ERCC6: variants seen among roughly 807,000 people sequenced by gnomAD.
The protein encoded by ERCC6 is ERCC excision repair 6, chromatin remodeling factor.
In ERCC6, 116 loss-of-function variants were observed where a neutral mutation model predicts 158.7. That is an observed-to-expected ratio of 0.73 (90% CI 0.63 to 0.85). ERCC6 has a LOEUF of 0.85. Among genes scored for constraint, ERCC6 ranks in the 40% least tolerant of loss-of-function variants. The pLI is 0.00. For missense variants in ERCC6, 1,698 were observed against 1,799.4 expected (o/e 0.94, Z 1.02); for synonymous variants, 678 against 659.3 (o/e 1.03, Z -0.43).
intron 6 of ERCC6, 84 bp downstream of exon 6, chr10:49,505,800 G>A (rs969293866): frequency 6.5e-7 from 1 of 1,549,508 alleles, no homozygotes; most frequent in Non-Finnish European, 8.9e-7. Context: ...GGGCCCACAG[G>A]TAACTACTAT....
intron 18 of ERCC6, among the ~76,000 whole-genome samples, chr10:49,465,729 G>T (rs1171586315): frequency 6.6e-6 from 1 of 152,174 alleles, no homozygotes; most frequent in African/African-American, 2.4e-5. Flanking sequence ...CTCTGCACAA[G>T]CTCTTTGCCT....
At chr10:49,462,925 T>C (rs142240023) in intron 18 of ERCC6, among the ~76,000 whole-genome samples, 84 of 152,330 alleles carry the variant, frequency 5.5e-4, no homozygotes, top group African/African-American at 1.9e-3. Context: ...CAAAACAAAC[T>C]TACATATGTG....
chr10:49,486,874 C>A lies in ERCC6; in HGVS notation c.1822-3358G>T, dbSNP rs4253157. 7.2e-5 allele frequency among the ~76,000 whole-genome samples: 11 copies of A among 152,224 alleles called. No homozygotes were observed. In the East Asian group the frequency reaches 1.7e-3, roughly 24 times the overall value. On this transcript the variant is annotated intron_variant, in intron 8 of 20. Transcript: ENST00000355832. ...CAATCATTGTTACAAGGCTAGCAAA[C>A]CCTGTTTTCAAAACTGACACAGCAC...
At position 49,455,452 on chromosome 10, in the gene ERCC6, A is replaced by G. The variant is rs1850469331; in HGVS notation, c.*3363T>C. ...GAAAACACCCAAGTATAAGACACTG[A>G]AGAGGGGGAGAAAGGAAAAGGAACT... On this transcript the variant is annotated 3_prime_UTR_variant, in exon 21 of 21. Coordinates refer to ENST00000355832, the MANE Select transcript of ERCC6 (RefSeq NM_000124.4). The G allele has an allele frequency of 6.6e-6, 1 of 152,240 alleles. No homozygotes were observed. Among genetic ancestry groups the G allele is most frequent in the African/African-American group, 2.4e-5 (1 of 41,452 alleles). The allele number at this position is 152,240 out of a possible 1,614,324, so 9.4% of individuals were successfully genotyped here. A position where few individuals can be genotyped will look rare whatever the true frequency, so the allele number is the denominator to read the frequency against.
In ERCC6 at chr10:49,458,745, T is replaced by A; in HGVS notation, c.*70A>T. 1.4e-6 allele frequency: 2 copies of A among 1,481,104 alleles called. No individual in the cohort carries two copies. The highest frequency in any genetic ancestry group is 1.9e-6 in the Non-Finnish European group (2 of 1,063,706). 91.7% of individuals were successfully genotyped at this position (1,481,104 alleles called of 1,614,324 possible). On this transcript the variant is annotated 3_prime_UTR_variant, in exon 21 of 21. Transcript: ENST00000355832. ...CAACTTCCATTGACAAACATGATTA[T>A]TAATAATAAATTAATAATCAGAAAT...
Position 49,530,858 on chromosome 10 carries a change from T to C in ERCC6, c.423-18A>G, listed in dbSNP as rs776814633. 9 of 1,611,772 alleles carry C rather than the reference T, an allele frequency of 5.6e-6. No individual in the cohort carries two copies. The highest frequency in any genetic ancestry group is 5.5e-5 in the South Asian group (5 of 90,898). On this transcript the variant is annotated intron_variant, in intron 2 of 20. Coordinates refer to ENST00000355832, the MANE Select transcript of ERCC6 (RefSeq NM_000124.4). The stretch of plus-strand genomic sequence containing the variant: ...TACATGACCTGAAAAATAAGATAAA[T>C]TGTCTATTTTGCACTCTGATAACAT...
At position 49,482,866 on chromosome 10, in the gene ERCC6, A is replaced by T. The variant is rs1410597711; in HGVS notation, c.1993-3T>A. The T allele has an allele frequency of 3.1e-6, 5 of 1,614,092 alleles. No individual in the cohort carries two copies. In the African/African-American group the frequency reaches 4.0e-5, roughly 13 times the overall value. ...ATGATCCGATGAGGGGTGCGAAACT[A>T]TTTGAGGAAAGGAAGCACCTTTTTA... On this transcript the variant is annotated splice_region_variant and splice_polypyrimidine_tract_variant and intron_variant, in intron 9 of 20. Coordinates refer to ENST00000355832, the MANE Select transcript of ERCC6 (RefSeq NM_000124.4).
chr10:49,537,500 T>C (rs532361003), intron 1 of ERCC6, among the ~76,000 whole-genome samples: 12 of 133,000 alleles, frequency 9.0e-5, no homozygotes, highest in African/African-American at 3.2e-4. Context: ...TATATATATA[T>C]ATACACATAC....
intron 7 of ERCC6, among the ~76,000 whole-genome samples, chr10:49,493,693 C>T (rs1161376603): frequency 6.6e-6 from 1 of 152,208 alleles, no homozygotes; most frequent in Non-Finnish European, 1.5e-5. Flanking sequence ...TTCAATCTCA[C>T]TGCCCTAGGA....
chr10:49,492,833 C>G (rs1417517946), intron 8 of ERCC6, among the ~76,000 whole-genome samples: 2 of 152,174 alleles, frequency 1.3e-5, no homozygotes, highest in African/African-American at 4.8e-5. Flanking sequence ...ATGACTCCAA[C>G]CCACACTGCC....
At chr10:49,497,268 T>A (rs893378402) in intron 7 of ERCC6, among the ~76,000 whole-genome samples, 4 of 152,204 alleles carry the variant, frequency 2.6e-5, no homozygotes, top group Non-Finnish European at 4.4e-5. Flanking sequence ...CTTCTTTCTA[T>A]CCTCCAAGGG....
chr10:49,478,519 G>A lies in ERCC6; in HGVS notation c.2170-49C>T, dbSNP rs114539132. On this transcript the variant is annotated intron_variant, in intron 10 of 20. Coordinates refer to ENST00000355832, the MANE Select transcript of ERCC6 (RefSeq NM_000124.4). ...ACATTACTATATATGTTTAAGGAACGCATTTGTTCTTACCTCTCAATTGCT... is the reference window on the plus strand; with the variant it reads ...ACATTACTATATATGTTTAAGGAACACATTTGTTCTTACCTCTCAATTGCT... 1,001 of 1,138,324 alleles carry A rather than the reference G, an allele frequency of 8.8e-4. 6 individuals carry two copies. The African/African-American group carries it at 0.013, about 15-fold the overall frequency. The allele number at this position is 1,138,324 out of a possible 1,614,324, so 70.5% of individuals were successfully genotyped here.
chr10:49,458,589 A>T lies in ERCC6; in HGVS notation c.*226T>A. The T allele has an allele frequency of 1.8e-6, 1 of 544,706 alleles. No homozygotes were observed. The allele number at this position is 544,706 out of a possible 1,614,324, so 33.7% of individuals were successfully genotyped here. ...ACAATATAATTAGATTGCCAAAAAA[A>T]AAAAAATCAATCCAAGTATTTTCTC... On this transcript the variant is annotated 3_prime_UTR_variant, in exon 21 of 21. Transcript: ENST00000355832.
chr10:49,470,895 A>C lies in ERCC6; in HGVS notation c.3071-6T>G. The C allele has an allele frequency of 6.2e-7, 1 of 1,613,744 alleles. No individual in the cohort carries two copies. Among genetic ancestry groups the C allele is most frequent in the Non-Finnish European group, 8.5e-7 (1 of 1,179,792 alleles). ...CTGAACATCTGATCCAGTTCCTGTA[A>C]AGAGGAAAAACACCACTAATACTAT... On this transcript the variant is annotated splice_region_variant and splice_polypyrimidine_tract_variant and intron_variant, in intron 17 of 20. Transcript: ENST00000355832.
At chr10:49,460,318 C>T (rs911623880) in intron 20 of ERCC6, 55 bp downstream of exon 20, 5 of 1,252,918 alleles carry the variant, frequency 4.0e-6, no homozygotes, top group African/African-American at 1.5e-5. Flanking sequence ...GAAATTTTCA[C>T]AGCATTCAAT....
chr10:49,476,754 G>A (rs1331881703), intron 11 of ERCC6, among the ~76,000 whole-genome samples: 6 of 152,028 alleles, frequency 3.9e-5, no homozygotes, highest in African/African-American at 1.2e-4. Flanking sequence ...TGCCTTGGAC[G>A]GCAACCCTTA....
intron 5 of ERCC6, among the ~76,000 whole-genome samples, chr10:49,514,277 C>G (rs930303203): frequency 3.9e-5 from 6 of 152,138 alleles, no homozygotes; most frequent in African/African-American, 1.4e-4. Context: ...TTCCAAGTAA[C>G]AGTAAAATCA....
intron 11 of ERCC6, among the ~76,000 whole-genome samples, chr10:49,477,056 C>T (rs1377101454): frequency 6.6e-6 from 1 of 152,176 alleles, no homozygotes; most frequent in East Asian, 1.9e-4. Flanking sequence ...TGTCCTGCTC[C>T]AGGGGGTCCT....
At chr10:49,454,234 C>T (rs750083678), downstream of ERCC6, among the ~76,000 whole-genome samples, 7 of 152,060 alleles carry the variant, frequency 4.6e-5, no homozygotes, top group Non-Finnish European at 1.0e-4. Context: ...CTATTGAACC[C>T]CTTTAGTGCA....
Sources: allele counts gnomAD v4.1 joint callset (sites outside exome capture counted in the v4.1 genomes callset), GRCh38; gene constraint gnomAD v4.1.1; transcripts MANE v1.5; gene names NCBI Gene and HGNC (gene_info 2026-07-23, HGNC 2026-07-21).